Variants in KIF15 observed in about 807,000 individuals in gnomAD.
KIF15 encodes the protein kinesin-like protein KIF15.
A neutral mutation model predicts 190.6 loss-of-function variants in KIF15; 140 were observed. The ratio of observed to expected loss-of-function variants is 0.73; its 90% CI spans 0.64 to 0.84. The LOEUF (loss-of-function observed/expected upper bound fraction) is 0.84. Ranked by LOEUF, KIF15 falls within the 40% of genes least tolerant of loss-of-function variation. KIF15 has a pLI of 0.00. For synonymous variants in KIF15, 528 were observed against 551.3 expected, an observed-to-expected ratio of 0.96 and a Z score of 0.59; for missense variants, 1,372 against 1,584.4, an observed-to-expected ratio of 0.87 and a Z score of 2.28.
chr3:44,805,051 C>G lies in KIF15; in HGVS notation c.1712C>G (p.Ala571Gly), dbSNP rs547416473. 10 of 1,612,506 alleles carry G rather than the reference C, an allele frequency of 6.2e-6. No homozygotes were observed. The South Asian group carries it at 1.1e-4, about 18-fold the overall frequency. ...DKNQQGFSPK[A>G]QKEPCLFANT... Reference sequence around the variant, plus strand: ...GATCAGCAAGGATTTTCACCTAAAGCTCAGAAAGAGCCATGTTTGTTTGCA... The same window carrying G: ...GATCAGCAAGGATTTTCACCTAAAGGTCAGAAAGAGCCATGTTTGTTTGCA... The change falls in exon 15 of 35, where the codon GCT becomes GGT. Residue 571 changes from alanine to glycine, a missense_variant. Ala to Gly is a moderately conservative substitution (Grantham distance 60). Transcript: ENST00000326047.
chr3:44,806,065 T>C, intron 16 of KIF15, 79 bp downstream of exon 16: 4 of 1,463,380 alleles, frequency 2.7e-6, no homozygotes, highest in Non-Finnish European at 3.7e-6. Flanking sequence ...CTGCATGGTC[T>C]ATCTCCAGAT....
intron 31 of KIF15, 51 bp from the exon 32 acceptor site, chr3:44,848,470 A>G (rs1258625607): frequency 1.2e-6 from 1 of 821,598 alleles, no homozygotes; most frequent in Non-Finnish European, 1.9e-6. Context: ...AAGCAATGTT[A>G]TTTAAGAACC....
chr3:44,830,916 G>A lies in KIF15; in HGVS notation c.3069G>A (p.Leu1023=). The A allele has an allele frequency of 1.9e-6, 3 of 1,613,760 alleles. No homozygotes were observed. The highest frequency in any genetic ancestry group is 2.5e-6 in the Non-Finnish European group (3 of 1,179,922). ...KDINCKYNSA[L]VDREESRVLI... is the part of the protein sequence containing the mutation. Reference sequence around the variant, plus strand: ...TACAGTGCAAATACAACTCTGCTTTGGTTGACAGAGAAGAGAGCAGAGTGT... The same window carrying A: ...TACAGTGCAAATACAACTCTGCTTTAGTTGACAGAGAAGAGAGCAGAGTGT... Residue 1023 remains leucine, a synonymous_variant, in exon 26 of 35, where the codon TTG becomes TTA. Transcript: ENST00000326047.
chr3:44,761,925 C>T (rs1459821912), intron 1 of KIF15, 41 bp downstream of exon 1: 20 of 1,613,792 alleles, frequency 1.2e-5, no homozygotes, highest in South Asian at 3.3e-5. Context: ...ATTTTTGCCC[C>T]CAAATACAGC....
At chr3:44,861,251 A>G (rs2125737874) in intron 6 of KIF15, among the ~76,000 whole-genome samples, 1 of 152,160 alleles carries the variant, frequency 6.6e-6, no homozygotes, top group Non-Finnish European at 1.5e-5. Context: ...TCGGCCTCCC[A>G]AAGTGCTGGG....
intron 10 of KIF15, 123 bp from the exon 11 acceptor site, chr3:44,800,189 CTA>C: frequency 1.2e-6 from 1 of 813,968 alleles, no homozygotes; most frequent in East Asian, 2.8e-5. Context: ...GTCCTTTTGA[CTA>C]TGATGTGGTC....
chr3:44,811,293 G>T (rs74481563), intron 17 of KIF15, among the ~76,000 whole-genome samples: 1 of 152,110 alleles, frequency 6.6e-6, no homozygotes, highest in Non-Finnish European at 1.5e-5. Flanking sequence ...ATGACCAGTT[G>T]GCCACTAGCT....
chr3:44,852,371 G>C (rs371614727), intron 34 of KIF15, 32 bp downstream of exon 34: 2 of 1,574,046 alleles, frequency 1.3e-6, no homozygotes, highest in Non-Finnish European at 1.7e-6. Context: ...AATAAATTCT[G>C]TCTGGTTTAA....
chr3:44,843,609 AG>A (rs754147267), intron 30 of KIF15, among the ~76,000 whole-genome samples: 16 of 152,366 alleles, frequency 1.1e-4, no homozygotes, highest in Middle Eastern at 3.4e-3. Flanking sequence ...CTCATGGTCC[AG>A]GGAAAGCCCC....
chr3:44,854,695 C>T (rs536977229), downstream of KIF15, among the ~76,000 whole-genome samples: 29 of 152,244 alleles, frequency 1.9e-4, no homozygotes, highest in East Asian at 4.8e-3. Context: ...TATTTTCTGA[C>T]AGTTCTGGAG....
At chr3:44,762,331 TCTC>T (rs1220085334) in intron 1 of KIF15, among the ~76,000 whole-genome samples, 1 of 152,190 alleles carries the variant, frequency 6.6e-6, no homozygotes, top group Non-Finnish European at 1.5e-5. Flanking sequence ...AACATTTCTT[TCTC>T]CTCTTTCCTT....
At position 44,852,753 on chromosome 3, in the gene KIF15, C is replaced by G; in HGVS notation, c.*18C>G. ...AATCTTGAGGATTCCGGTCAGCTAC[C>G]TAGGCATCACCTTGTTTGAAGATGT... On this transcript the variant is annotated 3_prime_UTR_variant, in exon 35 of 35. Transcript: ENST00000326047. The G allele has an allele frequency of 6.3e-7, 1 of 1,575,590 alleles. No homozygotes were observed. Among genetic ancestry groups the G allele is most frequent in the East Asian group, 2.3e-5 (1 of 43,716 alleles).
At position 44,829,976 on chromosome 3, in the gene KIF15, T is replaced by C. The variant is rs1206200631; in HGVS notation, c.2949T>C (p.Val983=). The C allele has an allele frequency of 5.7e-6, 9 of 1,572,968 alleles. No individual in the cohort carries two copies. The highest frequency in any genetic ancestry group is 7.7e-6 in the Non-Finnish European group (9 of 1,163,252). ...ATTATTTCTGTCCTCATCAGAAAGT[T>C]GTAGCTGACCTCATGAACCAGATCC... ...LEKSRDSDKK[V]VADLMNQIQE... is the part of the protein sequence containing the mutation. The change falls in exon 25 of 35, where the codon GTT becomes GTC. Residue 983 remains valine, a synonymous_variant. Coordinates refer to ENST00000326047, the MANE Select transcript of KIF15 (RefSeq NM_020242.3).
intron 14 of KIF15, among the ~76,000 whole-genome samples, chr3:44,804,112 T>C (rs1029960868): frequency 1.1e-4 from 16 of 152,218 alleles, no homozygotes; most frequent in African/African-American, 3.1e-4. Flanking sequence ...CCTCCCAAAG[T>C]GCTGGGATTA....
chr3:44,841,644 T>C (rs142495407), intron 29 of KIF15, among the ~76,000 whole-genome samples: 2,840 of 152,060 alleles, frequency 0.019, 76 homozygotes, highest in African/African-American at 0.064. Context: ...ATGATCCGCC[T>C]ACCTCAGCCT....
At chr3:44,788,946 T>C (rs1281650962) in intron 7 of KIF15, among the ~76,000 whole-genome samples, 1 of 152,234 alleles carries the variant, frequency 6.6e-6, no homozygotes, top group African/African-American at 2.4e-5. Flanking sequence ...TAGTAAGTTA[T>C]GTATTTTAGA....
In KIF15 at chr3:44,804,882, G is replaced by A. The variant is rs187039747; in HGVS notation, c.1688-145G>A. 18 of 702,798 alleles carry A rather than the reference G, an allele frequency of 2.6e-5. No homozygotes were observed. In the African/African-American group the frequency reaches 3.1e-4, roughly 12 times the overall value. The allele number at this position is 702,798 out of a possible 1,614,324, so 43.5% of individuals were successfully genotyped here. On this transcript the variant is annotated intron_variant, in intron 14 of 34. Coordinates refer to ENST00000326047, the MANE Select transcript of KIF15 (RefSeq NM_020242.3). ...CCAACTATTTGGGAGGCTAAAGCAG[G>A]GGGTTCACTTGAGACCAGAATTTGG... is the stretch of plus-strand genomic sequence containing the variant.
chr3:44,840,122 G>A (rs1698516550), intron 27 of KIF15, among the ~76,000 whole-genome samples: 2 of 152,200 alleles, frequency 1.3e-5, no homozygotes. Context: ...CACAATGGCT[G>A]TGCTAATTTA....
chr3:44,864,351 G>C, intron 6 of KIF15: 2 of 1,614,096 alleles, frequency 1.2e-6, no homozygotes, highest in Non-Finnish European at 1.7e-6. Context: ...TCGGTGAGTA[G>C]CCTGAGGGTG....
Sources: allele counts gnomAD v4.1 joint callset (sites outside exome capture counted in the v4.1 genomes callset), GRCh38; gene constraint gnomAD v4.1.1; transcripts MANE v1.5; gene names NCBI Gene and HGNC (gene_info 2026-07-23, HGNC 2026-07-21).